DMD: variants seen among roughly 807,000 people sequenced by gnomAD.
DMD encodes dystrophin.
Under a neutral mutation model 330.1 loss-of-function variants are expected in DMD, and 63 were observed. That is an observed-to-expected ratio of 0.19 (90% CI 0.16 to 0.24). The LOEUF (loss-of-function observed/expected upper bound fraction) is 0.24, where lower values mean the gene tolerates loss of function less well. Ranked by LOEUF, DMD falls within the 10% of genes least tolerant of loss-of-function variation. The probability of loss-of-function intolerance (pLI) is 1.00; values close to 1 mark genes in which losing one functional copy is unlikely to be tolerated. For synonymous variants in DMD, 1,223 were observed against 959.8 expected (o/e 1.27, Z -5.07); for missense variants, 3,344 against 2,684.1 (o/e 1.25, Z -5.43).
chrX:33,005,297 C>CAT (rs35055456), intron 2 of DMD, among the ~76,000 whole-genome samples: 39,045 of 103,680 alleles, frequency 0.38, 6,195 homozygotes, highest in East Asian at 0.46. Flanking sequence ...CACACACACG[C>CAT]ATATATATAT....
intron 53 of DMD, among the ~76,000 whole-genome samples, chrX:31,668,261 T>C: frequency 9.0e-6 from 1 of 111,650 alleles, no homozygotes; most frequent in South Asian, 3.7e-4. Flanking sequence ...ACAAAAGTTT[T>C]AATTTTGTTA....
chrX:32,067,393 G>T (rs761051406), intron 44 of DMD, among the ~76,000 whole-genome samples: 6 of 110,044 alleles, frequency 5.5e-5, no homozygotes, highest in African/African-American at 9.9e-5. Flanking sequence ...TACATGTTCA[G>T]GTTTGTTACC....
chrX:32,197,361 T>C (rs151163230), intron 44 of DMD, among the ~76,000 whole-genome samples: 2,240 of 111,578 alleles, frequency 0.02, 72 homozygotes, highest in African/African-American at 0.068. Context: ...TACAAGTAAC[T>C]CATTATTAAC....
At chrX:31,670,415 G>T (rs112443696) in intron 53 of DMD, among the ~76,000 whole-genome samples, 2 of 112,097 alleles carry the variant, frequency 1.8e-5, no homozygotes, top group African/African-American at 6.5e-5. Flanking sequence ...AACATTAGCT[G>T]TGGAATTTTT....
intron 1 of DMD, among the ~76,000 whole-genome samples, chrX:33,188,234 ATC>A (rs745634940): frequency 2.0e-3 from 203 of 103,154 alleles, no homozygotes; most frequent in Admixed American, 2.0e-3. Flanking sequence ...TCCTTTAACC[ATC>A]TCTCTCTCTC....
intron 60 of DMD, among the ~76,000 whole-genome samples, chrX:31,412,958 T>C (rs1179784355): frequency 3.6e-5 from 4 of 111,934 alleles, no homozygotes; most frequent in Non-Finnish European, 7.5e-5. Context: ...CCCAGATGCA[T>C]GAAGAAGCTG....
At chrX:31,536,400 G>T (rs1460086717) in intron 55 of DMD, among the ~76,000 whole-genome samples, 5 of 111,552 alleles carry the variant, frequency 4.5e-5, no homozygotes, top group Admixed American at 2.9e-4. Flanking sequence ...AAAAGAGGTA[G>T]AAATAAGAAG....
chrX:32,249,853 C>G (rs1235138094), intron 43 of DMD, among the ~76,000 whole-genome samples: 3 of 111,580 alleles, frequency 2.7e-5, no homozygotes, highest in Admixed American at 9.6e-5. Flanking sequence ...GATAACCTGT[C>G]CTCAGAGATG....
intron 27 of DMD, among the ~76,000 whole-genome samples, chrX:32,446,649 A>AAAC (rs1393777946): frequency 9.1e-6 from 1 of 110,449 alleles, no homozygotes; most frequent in Non-Finnish European, 1.9e-5. Context: ...GAAATAGTTA[A>AAAC]AACAACAGCA....
At chrX:32,542,075 A>G (rs756943237) in intron 17 of DMD, among the ~76,000 whole-genome samples, 9 of 103,428 alleles carry the variant, frequency 8.7e-5, no homozygotes, top group Admixed American at 2.0e-4. Flanking sequence ...CTGGAGCTAC[A>G]TGATTTGGGA....
chrX:31,386,340 C>T (rs1429891227), intron 60 of DMD, among the ~76,000 whole-genome samples: 2 of 110,737 alleles, frequency 1.8e-5, no homozygotes, highest in Non-Finnish European at 3.8e-5. Context: ...CAAACCTGCA[C>T]GTTGTGCACA....
intron 9 of DMD, among the ~76,000 whole-genome samples, chrX:32,684,838 T>C (rs2062734440): frequency 9.0e-6 from 1 of 111,317 alleles, no homozygotes; most frequent in Admixed American, 9.6e-5. Context: ...TCAGCATTAT[T>C]TATATATGAG....
chrX:32,053,791 T>C (rs2096137085), intron 44 of DMD, among the ~76,000 whole-genome samples: 1 of 111,629 alleles, frequency 9.0e-6, no homozygotes, highest in South Asian at 3.7e-4. Flanking sequence ...AAATAATATA[T>C]GCTTTGTTCA....
chrX:32,017,299 A>C (rs139998828), intron 44 of DMD, among the ~76,000 whole-genome samples: 2 of 112,267 alleles, frequency 1.8e-5, no homozygotes, highest in African/African-American at 6.5e-5. Context: ...GCCTTCAAAA[A>C]GGGGCCAAGG....
intron 44 of DMD, among the ~76,000 whole-genome samples, chrX:32,108,773 T>C (rs1305095019): frequency 8.9e-6 from 1 of 111,841 alleles, no homozygotes; most frequent in Non-Finnish European, 1.9e-5. Flanking sequence ...TAATGGATAA[T>C]TATGTTTAAG....
intron 9 of DMD, among the ~76,000 whole-genome samples, chrX:32,674,284 A>G (rs189109864): frequency 8.9e-6 from 1 of 111,832 alleles, no homozygotes; most frequent in African/African-American, 3.2e-5. Flanking sequence ...GATGGATCAT[A>G]AAGACTAATT....
chrX:32,981,122 A>G (rs17338947), intron 2 of DMD, among the ~76,000 whole-genome samples: 1 of 111,434 alleles, frequency 9.0e-6, no homozygotes, highest in Non-Finnish European at 1.9e-5. Context: ...TTCTCTCCAC[A>G]ATTGGATATT....
rs1569553701 is a variant in DMD, at chrX:32,252,795, TATATATATAA to T, written c.6290+34724_6290+34733del. Among the ~76,000 whole-genome samples the T allele has an allele frequency of 2.8e-4, 13 of 46,927 alleles. 1 individual carries two copies. The highest frequency in any genetic ancestry group is 1.6e-3 in the African/African-American group (10 of 6,328). 40.8% of individuals were successfully genotyped at this position (46,927 alleles called of 115,157 possible). A position where few individuals can be genotyped will look rare whatever the true frequency, so the allele number is the denominator to read the frequency against. On this transcript the variant is annotated intron_variant, in intron 43 of 78. Coordinates refer to ENST00000357033, the MANE Select transcript of DMD (RefSeq NM_004006.3). ...ATAAATATATATAAATATATATAAATATATATATAAATATATATAAGTATATAAATATATA... is the reference window on the plus strand; with the variant it reads ...ATAAATATATATAAATATATATAAATATATATATAAGTATATAAATATATA...
chrX:32,580,718 A>T (rs1000509817), intron 13 of DMD, among the ~76,000 whole-genome samples: 8 of 111,260 alleles, frequency 7.2e-5, no homozygotes, highest in Admixed American at 6.7e-4. Context: ...ATTAATGATA[A>T]TTTTTTTTGC....
Sources: gnomAD v4.1 joint callset for allele counts (sites outside exome capture counted in the v4.1 genomes callset) on GRCh38, gnomAD v4.1.1 for gene constraint, MANE v1.5 for transcripts, NCBI Gene and HGNC (gene_info 2026-07-23, HGNC 2026-07-21) for gene names.